Variants in RB1 observed in about 807,000 individuals in gnomAD.
The protein encoded by RB1 is retinoblastoma-associated protein.
RB1 carries 18 observed loss-of-function variants against 135.4 expected under a neutral mutation model. The ratio of observed to expected loss-of-function variants is 0.13; its 90% CI spans 0.09 to 0.20. RB1 has a LOEUF of 0.20. RB1 is among the 10% of genes least tolerant of loss of function. The probability of loss-of-function intolerance (pLI) is 1.00; values close to 1 mark genes in which losing one functional copy is unlikely to be tolerated. For synonymous variants in RB1, 365 were observed against 373.2 expected (o/e 0.98, Z 0.25); for missense variants, 868 against 1,110.0 (o/e 0.78, Z 3.10).
intron 17 of RB1, among the ~76,000 whole-genome samples, chr13:48,419,830 T>C (rs1948977436): frequency 6.6e-6 from 1 of 151,888 alleles, no homozygotes; most frequent in African/African-American, 2.4e-5. Flanking sequence ...CTCCCAAGAG[T>C]AAACCAGGAA....
At chr13:48,326,704 T>C (rs1424784682) in intron 2 of RB1, among the ~76,000 whole-genome samples, 1 of 152,142 alleles carries the variant, frequency 6.6e-6, no homozygotes, top group African/African-American at 2.4e-5. Context: ...CTCTGAGTTA[T>C]TACCGACTAA....
At chr13:48,360,337 A>G (rs185751166) in intron 7 of RB1, 739 of 1,043,210 alleles carry the variant, frequency 7.1e-4, no homozygotes, top group Admixed American at 2.2e-3. Flanking sequence ...GTTTGGGTCA[A>G]AATACAACAA....
At chr13:48,322,245 T>A (rs1952248857) in intron 2 of RB1, among the ~76,000 whole-genome samples, 1 of 152,234 alleles carries the variant, frequency 6.6e-6, no homozygotes. Flanking sequence ...CCTTTCTTTT[T>A]ATGGCTGAAT....
At position 48,364,899 on chromosome 13, in the gene RB1, A is replaced by C. The variant is rs1555285126; in HGVS notation, c.867A>C (p.Lys289Asn). The part of the protein sequence containing the change: ...KEHECNIDEV[K>N]NVYFKNFIPF... ...TGTAACTTCATCTTTTTCAGGTGAA[A>C]AATGTTTATTTCAAAAATTTTATAC... is the stretch of plus-strand genomic sequence containing the variant. Residue 289 changes from lysine to asparagine, a missense_variant, in exon 9 of 27, where the codon AAA becomes AAC. This residue lies in a region of RB1 where 641 missense variants were observed against 791.3 expected (regional missense o/e 0.81). Transcript: ENST00000267163. 1 of 1,554,592 alleles carries C rather than the reference A, an allele frequency of 6.4e-7. No homozygotes were observed. Among genetic ancestry groups the C allele is most frequent in the Non-Finnish European group, 8.7e-7 (1 of 1,146,590 alleles).
At chr13:48,426,610 G>A (rs1431683750) in intron 17 of RB1, 1 of 152,110 alleles carries the variant, frequency 6.6e-6, no homozygotes, top group East Asian at 1.9e-4. Context: ...CATCTTCTTT[G>A]GTATATAGTT....
At chr13:48,382,580 G>A (rs2138147488) in intron 17 of RB1, among the ~76,000 whole-genome samples, 1 of 152,232 alleles carries the variant, frequency 6.6e-6, no homozygotes, top group South Asian at 2.1e-4. Context: ...GTTCTTTGTA[G>A]ATTCTGGATA....
rs887463157 is a variant in RB1 at position 48,318,906 on chromosome 13, C to A, written c.264+11500C>A. ...TGATCGATGCTGTCGTCGCTGTCCACGGAGCTACTGTCGCCGTCAGAGCGG... is the reference window on the plus strand; with the variant it reads ...TGATCGATGCTGTCGTCGCTGTCCAAGGAGCTACTGTCGCCGTCAGAGCGG... On this transcript the variant is annotated intron_variant, in intron 2 of 26. Transcript: ENST00000267163. The A allele has an allele frequency of 1.5e-5, 17 of 1,161,428 alleles. No individual in the cohort carries two copies. In the African/African-American group the frequency reaches 1.8e-4, roughly 12 times the overall value. The allele number at this position is 1,161,428 out of a possible 1,614,324, so 71.9% of individuals were successfully genotyped here.
At chr13:48,457,633 C>T (rs1278742936) in intron 19 of RB1, among the ~76,000 whole-genome samples, 2 of 152,224 alleles carry the variant, frequency 1.3e-5, no homozygotes, top group Middle Eastern at 3.2e-3. Flanking sequence ...ATCCATGCGT[C>T]AAGGGGCACC....
chr13:48,358,844 G>C (rs964701130), intron 6 of RB1, among the ~76,000 whole-genome samples: 2 of 152,084 alleles, frequency 1.3e-5, no homozygotes, highest in African/African-American at 4.8e-5. Flanking sequence ...GAATGTACTT[G>C]AGAGAGATTC....
At chr13:48,330,468 G>A (rs948527014) in intron 2 of RB1, among the ~76,000 whole-genome samples, 7 of 152,092 alleles carry the variant, frequency 4.6e-5, no homozygotes, top group Non-Finnish European at 8.8e-5. Flanking sequence ...AATCAGGAAT[G>A]AAAGAGGAGA....
At chr13:48,369,340 A>G (rs766721635) in intron 11 of RB1, among the ~76,000 whole-genome samples, 8 of 152,054 alleles carry the variant, frequency 5.3e-5, no homozygotes, top group South Asian at 2.1e-4. Context: ...TGTCCAAGAC[A>G]TTGTTCTCTT....
chr13:48,327,922 A>T (rs1203279099), intron 2 of RB1, among the ~76,000 whole-genome samples: 1 of 152,174 alleles, frequency 6.6e-6, no homozygotes, highest in Non-Finnish European at 1.5e-5. Flanking sequence ...ATTACCTCTA[A>T]TTTCAAACTC....
At chr13:48,388,550 C>T (rs1219314159) in intron 17 of RB1, among the ~76,000 whole-genome samples, 1 of 152,070 alleles carries the variant, frequency 6.6e-6, no homozygotes, top group Non-Finnish European at 1.5e-5. Context: ...TACCCTAGAT[C>T]AGGAAATGAA....
At chr13:48,314,135 C>G (rs373957356) in intron 2 of RB1, among the ~76,000 whole-genome samples, 1 of 151,988 alleles carries the variant, frequency 6.6e-6, no homozygotes, top group Non-Finnish European at 1.5e-5. Context: ...AGTGTGAGTT[C>G]GACAACTTTG....
chr13:48,380,345 G>A (rs1948524424), intron 16 of RB1, 104 bp downstream of exon 16: 5 of 868,684 alleles, frequency 5.8e-6, no homozygotes, highest in Non-Finnish European at 7.4e-6. Context: ...TAAGGAGAAG[G>A]AATGCTTATT....
chr13:48,359,983 T>C, intron 6 of RB1, 34 bp from the exon 7 acceptor site: 4 of 1,608,190 alleles, frequency 2.5e-6, no homozygotes, highest in Non-Finnish European at 3.4e-6. Context: ...TCTGAATCTC[T>C]AACTTTCTTT....
intron 8 of RB1, 115 bp downstream of exon 8, chr13:48,363,072 C>A: frequency 7.6e-7 from 1 of 1,313,122 alleles, no homozygotes. Context: ...TTAGTGCTAA[C>A]TCTTTTGCAG....
intron 17 of RB1, among the ~76,000 whole-genome samples, chr13:48,445,460 C>T (rs954160422): frequency 2.6e-5 from 4 of 152,144 alleles, no homozygotes; most frequent in Non-Finnish European, 4.4e-5. Context: ...CTATCCCACC[C>T]GGGTACTTTA....
intron 17 of RB1, 90 bp downstream of exon 17, chr13:48,381,533 A>C: frequency 8.6e-7 from 1 of 1,163,684 alleles, no homozygotes; most frequent in Non-Finnish European, 1.3e-6. Flanking sequence ...CATCTACCTC[A>C]AGAACATATA....
Sources: allele counts gnomAD v4.1 joint callset (sites outside exome capture counted in the v4.1 genomes callset), GRCh38; gene constraint gnomAD v4.1.1; regional missense constraint gnomAD v4.1.1; transcripts MANE v1.5; gene names NCBI Gene and HGNC (gene_info 2026-07-23, HGNC 2026-07-21).